The following KCNMB2 variants were observed in gnomAD, a reference collection of about 807,000 sequenced individuals.
The protein encoded by KCNMB2 is calcium-activated potassium channel subunit beta-2.
A neutral mutation model predicts 24.5 loss-of-function variants in KCNMB2; 9 were observed. The ratio of observed to expected loss-of-function variants is 0.37; its 90% confidence interval spans 0.22 to 0.64. The LOEUF (loss-of-function observed/expected upper bound fraction) is 0.64, where lower values mean the gene tolerates loss of function less well. Ranked by LOEUF, KCNMB2 falls within the 30% of genes least tolerant of loss-of-function variation. KCNMB2 has a pLI of 0.63. For synonymous variants in KCNMB2, 109 were observed against 104.4 expected (o/e 1.04, Z -0.27); for missense variants, 226 against 284.3 (o/e 0.79, Z 1.47).
At chr3:178,547,668 T>C (rs914607104) in intron 1 of KCNMB2, among the ~76,000 whole-genome samples, 2 of 152,216 alleles carry the variant, frequency 1.3e-5, no homozygotes, top group Non-Finnish European at 2.9e-5. Flanking sequence ...TATAGTTCTT[T>C]TTATCTTTTC....
At chr3:178,563,691 G>A (rs1220090241) in intron 1 of KCNMB2, among the ~76,000 whole-genome samples, 1 of 152,124 alleles carries the variant, frequency 6.6e-6, no homozygotes, top group East Asian at 1.9e-4. Context: ...TGCAATCCTA[G>A]AAAGTAAGGG....
chr3:178,828,421 C>G (rs560854075), intron 4 of KCNMB2, 48 bp downstream of exon 4: 7 of 1,393,884 alleles, frequency 5.0e-6, no homozygotes, highest in Middle Eastern at 1.8e-4. Flanking sequence ...GAGCTTCACA[C>G]CAGGCTCTCT....
At chr3:178,743,273 A>G (rs1723554472) in intron 1 of KCNMB2, among the ~76,000 whole-genome samples, 1 of 152,214 alleles carries the variant, frequency 6.6e-6, no homozygotes, top group Non-Finnish European at 1.5e-5. Context: ...TAGAAATGGT[A>G]CACATAAATT....
intron 4 of KCNMB2, among the ~76,000 whole-genome samples, chr3:178,830,113 T>C (rs1418634174): frequency 1.3e-5 from 2 of 152,172 alleles, no homozygotes; most frequent in African/African-American, 4.8e-5. Context: ...ATTACTTTCT[T>C]ACTTTCCTTT....
intron 1 of KCNMB2, among the ~76,000 whole-genome samples, chr3:178,758,217 T>G (rs1215151534): frequency 6.9e-4 from 20 of 29,056 alleles, no homozygotes; most frequent in Non-Finnish European, 1.2e-3. Context: ...TCCAAGGGGA[T>G]ATATATATAT....
intron 3 of KCNMB2, among the ~76,000 whole-genome samples, chr3:178,827,208 C>T (rs1167319891): frequency 5.3e-5 from 8 of 152,170 alleles, no homozygotes; most frequent in Non-Finnish European, 4.4e-5. Flanking sequence ...TTCCTAATTA[C>T]AAATGTTAAT....
chr3:178,711,691 C>T (rs1286420793), intron 1 of KCNMB2, among the ~76,000 whole-genome samples: 3 of 152,218 alleles, frequency 2.0e-5, no homozygotes. Flanking sequence ...GGCTAAACAT[C>T]ACTTCCACCA....
chr3:178,805,164 C>A (rs1713915927), intron 1 of KCNMB2, among the ~76,000 whole-genome samples: 1 of 152,184 alleles, frequency 6.6e-6, no homozygotes, highest in Admixed American at 6.5e-5. Context: ...ATTCTTGCAT[C>A]TGTACTGGTT....
chr3:178,642,253 G>A (rs1719755066), intron 1 of KCNMB2, among the ~76,000 whole-genome samples: 1 of 152,120 alleles, frequency 6.6e-6, no homozygotes, highest in African/African-American at 2.4e-5. Flanking sequence ...AAATAAAAAA[G>A]CACAGATTTC....
intron 1 of KCNMB2, among the ~76,000 whole-genome samples, chr3:178,781,363 G>A (rs1166568875): frequency 6.6e-6 from 1 of 151,710 alleles, no homozygotes; most frequent in Non-Finnish European, 1.5e-5. Context: ...AGGCTGAGGT[G>A]GGTGGATTAC....
intron 1 of KCNMB2, among the ~76,000 whole-genome samples, chr3:178,784,497 T>C (rs1016866434): frequency 4.6e-5 from 7 of 152,180 alleles, no homozygotes; most frequent in African/African-American, 7.2e-5. Context: ...GCTCTTAAAC[T>C]ATTCTAAGTT....
chr3:178,626,401 C>A (rs899844584), intron 1 of KCNMB2, among the ~76,000 whole-genome samples: 2 of 152,164 alleles, frequency 1.3e-5, no homozygotes, highest in Non-Finnish European at 2.9e-5. Context: ...AAGTATTCAA[C>A]AAGTGATCTT....
chr3:178,733,902 A>C (rs557928763), intron 1 of KCNMB2, among the ~76,000 whole-genome samples: 1 of 152,358 alleles, frequency 6.6e-6, no homozygotes, highest in South Asian at 2.1e-4. Context: ...AAATAATGGT[A>C]GCTGGATTGA....
chr3:178,661,937 A>G lies in KCNMB2; in HGVS notation c.-68+125226A>G, dbSNP rs573431089. 1.2e-4 allele frequency among the ~76,000 whole-genome samples: 19 copies of G among 152,298 alleles called. No individual in the cohort carries two copies. The East Asian group carries it at 3.5e-3, about 28-fold the overall frequency. The stretch of plus-strand genomic sequence containing the variant: ...AGGATAAGGTGGCTGTTATTATCCC[A>G]TTTTACAGATGAGGAAACAAAAGCT... On this transcript the variant is annotated intron_variant, in intron 1 of 4. Transcript: ENST00000452583.
chr3:178,696,797 T>C (rs528618129), intron 1 of KCNMB2, among the ~76,000 whole-genome samples: 10 of 152,328 alleles, frequency 6.6e-5, no homozygotes, highest in Non-Finnish European at 1.2e-4. Context: ...TGATATGTGG[T>C]ATCTTTGTTC....
intron 1 of KCNMB2, among the ~76,000 whole-genome samples, chr3:178,760,412 T>TTA (rs1278765070): frequency 5.0e-5 from 7 of 140,036 alleles, no homozygotes; most frequent in Admixed American, 1.5e-4. Flanking sequence ...GATATATATA[T>TTA]TATATATATA....
At chr3:178,550,469 A>G (rs1365997799) in intron 1 of KCNMB2, among the ~76,000 whole-genome samples, 3 of 151,232 alleles carry the variant, frequency 2.0e-5, no homozygotes, top group Non-Finnish European at 3.0e-5. Flanking sequence ...AAAAAAAAAA[A>G]AAAAAAAAAA....
chr3:178,631,795 A>T (rs1719331205), intron 1 of KCNMB2, among the ~76,000 whole-genome samples: 1 of 152,188 alleles, frequency 6.6e-6, no homozygotes, highest in African/African-American at 2.4e-5. Flanking sequence ...ATTTTACTCA[A>T]AGTTAACTGC....
intron 1 of KCNMB2, among the ~76,000 whole-genome samples, chr3:178,572,651 A>T (rs1716847826): frequency 6.6e-6 from 1 of 152,220 alleles, no homozygotes. Context: ...CTTTAAAAAT[A>T]AAACAGCAAG....
Sources: gnomAD v4.1 joint callset for allele counts (sites outside exome capture counted in the v4.1 genomes callset) on GRCh38, gnomAD v4.1.1 for gene constraint, MANE v1.5 for transcripts, NCBI Gene and HGNC (gene_info 2026-07-23, HGNC 2026-07-21) for gene names.